Variants in C8orf90 observed in about 807,000 individuals in gnomAD.
C8orf90 encodes chromosome 8 open reading frame 90.
chr8:141,516,993 CAG>C, the C8orf90 span, among the ~76,000 whole-genome samples: 3 of 152,320 alleles, frequency 2.0e-5, no homozygotes, highest in East Asian at 3.9e-4. Context: ...ATGGCTCAAA[CAG>C]AGCCTGCCTG....
At chr8:141,518,108 C>T in the C8orf90 span, 5 of 518,864 alleles carry the variant, frequency 9.6e-6, no homozygotes, top group East Asian at 1.4e-4. Context: ...GCGGCTCCTT[C>T]CAGACTGGCC....
At chr8:141,516,348 C>G in the C8orf90 span, among the ~76,000 whole-genome samples, 47 of 152,332 alleles carry the variant, frequency 3.1e-4, no homozygotes, top group African/African-American at 1.1e-3. Flanking sequence ...ACGTTCTCCC[C>G]TCTCCTTTGC....
chr8:141,518,691 C>A, the C8orf90 span: 2 of 537,330 alleles, frequency 3.7e-6, no homozygotes, highest in Admixed American at 3.6e-5. Context: ...CCCGCCGCTG[C>A]CCCGAGAGCG....
the C8orf90 span, among the ~76,000 whole-genome samples, chr8:141,515,396 C>T: frequency 7.1e-6 from 1 of 141,418 alleles, no homozygotes; most frequent in South Asian, 2.3e-4. Context: ...GCACCCTGCT[C>T]ATGGTCAATG....
the C8orf90 span, chr8:141,514,740 C>T: frequency 5.7e-6 from 4 of 701,458 alleles, no homozygotes; most frequent in Non-Finnish European, 1.0e-5. Context: ...GCAGGTCTGC[C>T]CCCTCCTTCT....
chr8:141,515,998 A>T, the C8orf90 span, among the ~76,000 whole-genome samples: 2 of 152,130 alleles, frequency 1.3e-5, no homozygotes, highest in African/African-American at 4.8e-5. Context: ...AGCTGAAGGC[A>T]TTGGAAGAGG....
the C8orf90 span, among the ~76,000 whole-genome samples, chr8:141,514,933 G>A: frequency 6.6e-6 from 1 of 151,962 alleles, no homozygotes; most frequent in Non-Finnish European, 1.5e-5. Context: ...GGGGGCATGC[G>A]GGCATCAAAG....
At chr8:141,517,747 A>G in the C8orf90 span, among the ~76,000 whole-genome samples, 1 of 152,002 alleles carries the variant, frequency 6.6e-6, no homozygotes, top group Non-Finnish European at 1.5e-5. Flanking sequence ...CCTGGATCTG[A>G]CCTTGAAGCT....
chr8:141,518,717 G>T, the C8orf90 span: 10 of 487,622 alleles, frequency 2.1e-5, no homozygotes, highest in African/African-American at 6.1e-5. Context: ...AATAAATAAA[G>T]AGTTTCCCCA....
the C8orf90 span, chr8:141,518,207 CGCCCGCAGGTCCCGCGGCGCCCCCGGA>C: frequency 3.5e-6 from 2 of 575,468 alleles, no homozygotes; most frequent in African/African-American, 4.0e-5. Flanking sequence ...CTGTCCCCTC[CGCCCGCAGGTCCCGCGGCGCCCCCGGA>C]GCCCGCCTTC....
chr8:141,518,609 C>T, the C8orf90 span: 6 of 489,348 alleles, frequency 1.2e-5, no homozygotes, highest in African/African-American at 4.1e-5. Context: ...TGCTGCTGCC[C>T]GGCCCCGCCG....
At chr8:141,518,191 C>T in the C8orf90 span, 1 of 546,436 alleles carries the variant, frequency 1.8e-6, no homozygotes, top group Non-Finnish European at 3.2e-6. Context: ...CCCTGCCGGG[C>T]GTTCACTGTC....
At chr8:141,516,694 T>C in the C8orf90 span, among the ~76,000 whole-genome samples, 1 of 152,110 alleles carries the variant, frequency 6.6e-6, no homozygotes, top group African/African-American at 2.4e-5. Flanking sequence ...CCAGTGTCTA[T>C]CTCCAGCCTC....
chr8:141,518,601 C>CT, the C8orf90 span: 1 of 476,752 alleles, frequency 2.1e-6, no homozygotes, highest in Non-Finnish European at 3.7e-6. Flanking sequence ...CCTCGTCCTG[C>CT]TGCTGCCCGG....
chr8:141,516,751 T>A, the C8orf90 span, among the ~76,000 whole-genome samples: 1 of 152,328 alleles, frequency 6.6e-6, no homozygotes, highest in African/African-American at 2.4e-5. Flanking sequence ...TGAGCGGATC[T>A]TCTCCAGCCT....
the C8orf90 span, chr8:141,514,804 G>A: frequency 2.9e-6 from 2 of 697,458 alleles, no homozygotes; most frequent in Admixed American, 4.1e-5. Flanking sequence ...CGGGAAGGGG[G>A]ACGGGGCACC....
At chr8:141,515,626 T>C in the C8orf90 span, among the ~76,000 whole-genome samples, 2 of 151,638 alleles carry the variant, frequency 1.3e-5, no homozygotes, top group Non-Finnish European at 2.9e-5. Flanking sequence ...GCCCCAGCAC[T>C]CCTTTAGTGA....
the C8orf90 span, among the ~76,000 whole-genome samples, chr8:141,515,512 C>G: frequency 1.3e-5 from 2 of 151,156 alleles, no homozygotes; most frequent in African/African-American, 4.9e-5. Flanking sequence ...AGGATTTTGT[C>G]CTCTCACCCA....
chr8:141,518,171 G>A, the C8orf90 span: 2 of 527,512 alleles, frequency 3.8e-6, no homozygotes, highest in East Asian at 7.0e-5. Flanking sequence ...GCCGCTCCCG[G>A]CCCTCCCCGC....
Sources: gnomAD v4.1 joint callset for allele counts (sites outside exome capture counted in the v4.1 genomes callset) on GRCh38, gnomAD v4.1.1 for gene constraint, MANE v1.5 for transcripts, NCBI Gene and HGNC (gene_info 2026-07-23, HGNC 2026-07-21) for gene names.